ZFHX3: variants seen among roughly 807,000 people sequenced by gnomAD.
ZFHX3 encodes the protein zinc finger homeobox 3.
ZFHX3 carries 42 observed loss-of-function variants against 279.1 expected under a neutral mutation model. The ratio of observed to expected loss-of-function variants is 0.15; its 90% CI spans 0.12 to 0.19. The LOEUF (loss-of-function observed/expected upper bound fraction) is 0.19. Ranked by LOEUF, ZFHX3 falls within the 10% of genes least tolerant of loss-of-function variation. The pLI is 1.00. For missense variants in ZFHX3, 4,981 were observed against 4,754.0 expected, an observed-to-expected ratio of 1.05 and a Z score of -1.40; for synonymous variants, 2,293 against 1,957.8, an observed-to-expected ratio of 1.17 and a Z score of -4.52.
intron 1 of ZFHX3, among the ~76,000 whole-genome samples, chr16:72,993,009 C>T (rs996107468): frequency 2.6e-5 from 4 of 152,222 alleles, no homozygotes; most frequent in African/African-American, 4.8e-5. Context: ...TGGCGCTAGG[C>T]GCCTGTAATC....
chr16:72,981,007 C>T (rs1187958149), intron 1 of ZFHX3, among the ~76,000 whole-genome samples: 1 of 152,012 alleles, frequency 6.6e-6, no homozygotes, highest in African/African-American at 2.4e-5. Context: ...TCTAAAAGAA[C>T]AGCATTGACC....
intron 2 of ZFHX3, among the ~76,000 whole-genome samples, chr16:73,671,774 AG>A (rs1459414414): frequency 6.6e-6 from 1 of 152,212 alleles, no homozygotes; most frequent in Non-Finnish European, 1.5e-5. Flanking sequence ...CTTTCCTTGA[AG>A]GGGAGTTTAG....
At chr16:73,729,653 C>G (rs2053552361) in intron 1 of ZFHX3, among the ~76,000 whole-genome samples, 1 of 152,138 alleles carries the variant, frequency 6.6e-6, no homozygotes, top group South Asian at 2.1e-4. Flanking sequence ...ACTAAAACAC[C>G]ATAGCATCCT....
chr16:72,939,812 C>A (rs1319336214), intron 3 of ZFHX3, among the ~76,000 whole-genome samples: 2 of 152,162 alleles, frequency 1.3e-5, no homozygotes, highest in African/African-American at 4.8e-5. Flanking sequence ...CACTTGAACC[C>A]GGGAGGCAGA....
chr16:73,094,536 C>A (rs959979537), intron 7 of ZFHX3: 1 of 151,876 alleles, frequency 6.6e-6, no homozygotes, highest in African/African-American at 2.4e-5. Context: ...TGACGGGTCA[C>A]GGTGGGCGCC....
At position 73,340,816 on chromosome 16, in the gene ZFHX3, C is replaced by T. The variant is rs1001922057; in HGVS notation, c.-1290-22480G>A. ...GAGCTACATGAATAAATGAACCCTA[C>T]AAGTACTGGAAAAAAACATGGGTGA... On this transcript the variant is annotated intron_variant, in intron 3 of 17. Coordinates refer to the ZFHX3 transcript ENST00000641206. Among the ~76,000 whole-genome samples the T allele has an allele frequency of 2.6e-5, 4 of 152,088 alleles. No homozygotes were observed. The East Asian group carries it at 7.7e-4, about 29-fold the overall frequency.
At chr16:72,933,254 A>G (rs138630533) in intron 3 of ZFHX3, among the ~76,000 whole-genome samples, 1 of 152,180 alleles carries the variant, frequency 6.6e-6, no homozygotes, top group African/African-American at 2.4e-5. Flanking sequence ...CTCGTCTGCA[A>G]AAACAGAAAT....
intron 1 of ZFHX3, among the ~76,000 whole-genome samples, chr16:73,890,689 C>G (rs1283010400): frequency 1.3e-5 from 2 of 152,166 alleles, no homozygotes; most frequent in Non-Finnish European, 2.9e-5. Flanking sequence ...GTCATCTTCT[C>G]TTTCCTGTAC....
At chr16:73,807,035 A>G (rs1267736127) in intron 1 of ZFHX3, among the ~76,000 whole-genome samples, 4 of 152,196 alleles carry the variant, frequency 2.6e-5, no homozygotes, top group African/African-American at 4.8e-5. Context: ...GAGAAAAACC[A>G]TAACTAAAAA....
chr16:72,874,643 T>G (rs1257866679), intron 4 of ZFHX3, among the ~76,000 whole-genome samples: 1 of 151,996 alleles, frequency 6.6e-6, no homozygotes, highest in African/African-American at 2.4e-5. Context: ...CCAAGGCTGC[T>G]TATATAAGGA....
At chr16:73,435,219 CT>C (rs1169904101) in intron 3 of ZFHX3, among the ~76,000 whole-genome samples, 1 of 152,120 alleles carries the variant, frequency 6.6e-6, no homozygotes, top group African/African-American at 2.4e-5. Context: ...CCAATTCATT[CT>C]TTTTTGAGAC....
intron 4 of ZFHX3, among the ~76,000 whole-genome samples, chr16:73,309,964 A>C (rs1017722892): frequency 7.5e-6 from 1 of 133,434 alleles, no homozygotes; most frequent in Non-Finnish European, 1.5e-5. Flanking sequence ...GATGGAGTGC[A>C]ATGGAGCAAT....
chr16:73,133,571 T>C (rs146305049), intron 6 of ZFHX3, among the ~76,000 whole-genome samples: 19 of 152,226 alleles, frequency 1.2e-4, no homozygotes, highest in African/African-American at 4.6e-4. Flanking sequence ...GCAAAGACCA[T>C]GTGAACACTC....
At chr16:73,532,020 G>A (rs777506735) in intron 2 of ZFHX3, among the ~76,000 whole-genome samples, 1 of 151,890 alleles carries the variant, frequency 6.6e-6, no homozygotes, top group Non-Finnish European at 1.5e-5. Context: ...CCCATGAGTT[G>A]GAGGTTACAG....
chr16:73,489,719 T>G (rs1279479946), intron 2 of ZFHX3, among the ~76,000 whole-genome samples: 1 of 152,218 alleles, frequency 6.6e-6, no homozygotes, highest in African/African-American at 2.4e-5. Flanking sequence ...TAGAATTATG[T>G]AGAAAAAAAT....
intron 1 of ZFHX3, among the ~76,000 whole-genome samples, chr16:73,710,788 C>T (rs184127143): frequency 1.5e-4 from 23 of 152,290 alleles, no homozygotes; most frequent in East Asian, 1.3e-3. Context: ...CCTCCCTTCT[C>T]GGAGCAGCAG....
At chr16:73,723,437 C>T (rs1004385589) in intron 1 of ZFHX3, among the ~76,000 whole-genome samples, 13 of 152,020 alleles carry the variant, frequency 8.6e-5, no homozygotes, top group African/African-American at 1.9e-4. Context: ...TGCTGCTCTG[C>T]GATTAAAACG....
chr16:73,569,707 C>T lies in ZFHX3; in HGVS notation c.-1547+110473G>A, dbSNP rs533169755. On this transcript the variant is annotated intron_variant, in intron 2 of 17. Transcript: ENST00000641206. ...ATAACAAATTGGTTTCAAAATCATG[C>T]ATTATGTATTCTGAAATTAGGTCTG... 8.5e-5 allele frequency among the ~76,000 whole-genome samples: 13 copies of T among 152,214 alleles called. No individual in the cohort carries two copies. The South Asian group carries it at 2.1e-3, about 24-fold the overall frequency.
At chr16:73,620,389 G>A (rs776293235) in intron 2 of ZFHX3, among the ~76,000 whole-genome samples, 36 of 152,188 alleles carry the variant, frequency 2.4e-4, no homozygotes, top group Non-Finnish European at 4.9e-4. Context: ...AGGTTTTGAC[G>A]ACATTTCCAC....
Sources: gnomAD v4.1 joint callset for allele counts (sites outside exome capture counted in the v4.1 genomes callset) on GRCh38, gnomAD v4.1.1 for gene constraint, MANE v1.5 for transcripts, NCBI Gene and HGNC (gene_info 2026-07-23, HGNC 2026-07-21) for gene names.